USP4: variants seen among roughly 807,000 people sequenced by gnomAD.
USP4 encodes ubiquitin specific peptidase 4.
In USP4, 72 loss-of-function variants were observed where a neutral mutation model predicts 118.2. That is an observed-to-expected ratio of 0.61 (90% CI 0.50 to 0.74). USP4 has a LOEUF of 0.74. USP4 is among the 30% of genes least tolerant of loss of function. USP4 has a pLI of 0.00. For missense variants in USP4, 1,037 were observed against 1,185.7 expected (o/e 0.87, Z 1.84); for synonymous variants, 415 against 440.4 (o/e 0.94, Z 0.72).
intron 6 of USP4, chr3:49,312,038 G>T: frequency 3.1e-6 from 1 of 321,106 alleles, no homozygotes; most frequent in Non-Finnish European, 4.8e-6. Flanking sequence ...AAAGAAATTA[G>T]CCAGGTCGCG....
chr3:49,332,279 A>AAAAC lies in USP4; in HGVS notation c.229+3186_229+3189dup, dbSNP rs577378790. 4.7e-3 allele frequency among the ~76,000 whole-genome samples: 720 copies of AAAAC among 152,102 alleles called. 8 individuals are homozygous for AAAAC. The highest frequency in any genetic ancestry group is 0.016 in the African/African-American group (675 of 41,484). The stretch of plus-strand genomic sequence containing the variant: ...ACGACAGAGCGAGACTCTGTCTTAC[A>AAAAC]AAACAAACAAACAAACAAACATATA... On this transcript the variant is annotated intron_variant, in intron 2 of 21. Transcript: ENST00000265560.
intron 13 of USP4, among the ~76,000 whole-genome samples, chr3:49,297,123 T>A (rs1462222520): frequency 6.6e-6 from 1 of 152,200 alleles, no homozygotes; most frequent in East Asian, 1.9e-4. Context: ...TAAAACCCTT[T>A]CTCAGCAGAG....
rs375304722 is a variant in USP4 at position 49,283,978 on chromosome 3, A to C, written c.2540+9T>G. 9.3e-6 allele frequency: 15 copies of C among 1,614,070 alleles called. No individual in the cohort carries two copies. The African/African-American group carries it at 1.2e-4, about 13-fold the overall frequency. On this transcript the variant is annotated intron_variant, in intron 19 of 21. Coordinates refer to ENST00000265560, the MANE Select transcript of USP4 (RefSeq NM_003363.4). ...AAATGTTCCTAACACTGTAGTCACC[A>C]TGACCCACCTGATTGGGAATTCTAC...
At chr3:49,320,303 G>T (rs1161357228) in intron 6 of USP4, among the ~76,000 whole-genome samples, 2 of 152,152 alleles carry the variant, frequency 1.3e-5, no homozygotes, top group Non-Finnish European at 2.9e-5. Context: ...TTAGCCGGGC[G>T]TGGTGGCGCA....
At chr3:49,325,550 G>C (rs1328016916) in intron 4 of USP4, among the ~76,000 whole-genome samples, 169 bp downstream of exon 4, 1 of 152,022 alleles carries the variant, frequency 6.6e-6, no homozygotes, top group East Asian at 1.9e-4. Flanking sequence ...CTCTCCATAA[G>C]AATTCCTGGA....
In USP4 at chr3:49,300,568, A is replaced by C; in HGVS notation, c.1411T>G (p.Phe471Val). 1 of 1,614,222 alleles carries C rather than the reference A, an allele frequency of 6.2e-7. No homozygotes were observed. Among genetic ancestry groups the C allele is most frequent in the East Asian group, 2.2e-5 (1 of 44,888 alleles). Residue 471 changes from phenylalanine (F) to valine (V), a missense_variant, in exon 11 of 22, where the codon TTT (phenylalanine) becomes GTT (valine). Transcript: ENST00000265560. ...AGCGTTAGATAGCAAAATGGGTCAA[A>C]GGTCACAGAAACCTTAGCACATTCT... Reference protein sequence around the residue: ...CPECAKVSVTFDPFCYLTLPL... With the variant: ...CPECAKVSVTVDPFCYLTLPL...
chr3:49,306,025 A>G (rs2047311488), intron 8 of USP4, 137 bp from the exon 9 acceptor site: 6 of 808,524 alleles, frequency 7.4e-6, no homozygotes, highest in South Asian at 2.4e-5. Context: ...AAGGCTCACG[A>G]CAGTAAAGCA....
chr3:49,278,941 G>A, intron 20 of USP4, 39 bp from the exon 21 acceptor site: 1 of 1,435,516 alleles, frequency 7.0e-7, no homozygotes, highest in Non-Finnish European at 9.7e-7. Flanking sequence ...GCGGTCTCCA[G>A]AGAATTAATC....
intron 6 of USP4, chr3:49,312,506 G>T (rs563823411): frequency 1.2e-4 from 55 of 452,868 alleles, no homozygotes; most frequent in Middle Eastern, 6.5e-4. Flanking sequence ...ATGTGATGGC[G>T]CTACTCGGGA....
At chr3:49,298,685 G>A (rs747371173) in intron 11 of USP4, 50 bp from the exon 12 acceptor site, 31 of 1,530,760 alleles carry the variant, frequency 2.0e-5, no homozygotes, top group Non-Finnish European at 2.5e-5. Context: ...CAAAGGGTGC[G>A]AAATGCATTA....
intron 16 of USP4, 104 bp from the exon 17 acceptor site, chr3:49,285,023 A>G (rs1008700069): frequency 2.4e-5 from 19 of 802,524 alleles, no homozygotes; most frequent in Admixed American, 4.3e-5. Flanking sequence ...CACCATCAAC[A>G]CCTTCTCCCC....
At chr3:49,305,921 C>T (rs759807956) in intron 8 of USP4, 33 bp from the exon 9 acceptor site, 2 of 1,582,826 alleles carry the variant, frequency 1.3e-6, no homozygotes, top group South Asian at 2.3e-5. Context: ...CTTTACACAC[C>T]TTCTAGACAG....
chr3:49,324,733 C>A lies in USP4; in HGVS notation c.664G>T (p.Gly222Cys). 1 of 1,614,162 alleles carries A rather than the reference C, an allele frequency of 6.2e-7. No homozygotes were observed. The highest frequency in any genetic ancestry group is 8.5e-7 in the Non-Finnish European group (1 of 1,180,028). The change falls in exon 6 of 22, where the codon GGC becomes TGC. Residue 222 changes from glycine (G) to cysteine (C), a missense_variant. Physicochemically the swap from Gly to Cys is radical, Grantham distance 159. Transcript: ENST00000265560. Reference sequence around the variant, plus strand: ...TGCAAGGTCTGCCTGGGCCATGTGCCATCTTCATTTTGAGGCTCAATTACT... The same window carrying A: ...TGCAAGGTCTGCCTGGGCCATGTGCAATCTTCATTTTGAGGCTCAATTACT... ...VLVIEPQNED[G>C]TWPRQTLQSK...
At chr3:49,338,319 C>T (rs1451648447) in intron 1 of USP4, among the ~76,000 whole-genome samples, 3 of 152,070 alleles carry the variant, frequency 2.0e-5, no homozygotes, top group African/African-American at 7.2e-5. Flanking sequence ...ACTTCCTCTA[C>T]TTCTGCTGAG....
chr3:49,320,522 C>A (rs185295540), intron 6 of USP4, among the ~76,000 whole-genome samples: 110 of 152,292 alleles, frequency 7.2e-4, no homozygotes, highest in African/African-American at 2.5e-3. Context: ...TCGTGGCTCA[C>A]GGTAACTTCG....
rs2047232993 is a variant in USP4, at chr3:49,298,610, C to G, written c.1538G>C (p.Gly513Ala). The G allele has an allele frequency of 6.2e-7, 1 of 1,614,172 alleles. No individual in the cohort carries two copies. Residue 513 changes from glycine to alanine, a missense_variant, in exon 12 of 22, where the codon GGG (glycine) becomes GCG (alanine). Transcript: ENST00000265560. ...TQYRVTVPLM[G>A]AVSDLCEALS... ...AGCCTCGCACAGGTCGGACACAGCC[C>G]CCATCAGCGGCACAGTCACACGGTA... is the stretch of plus-strand genomic sequence containing the variant.
chr3:49,339,212 T>C (rs2047706892), intron 1 of USP4, among the ~76,000 whole-genome samples: 1 of 152,194 alleles, frequency 6.6e-6, no homozygotes, highest in African/African-American at 2.4e-5. Flanking sequence ...GCCTTAGTTT[T>C]TCTACTCCTA....
chr3:49,279,859 T>C (rs2046999060), intron 20 of USP4, among the ~76,000 whole-genome samples: 2 of 152,212 alleles, frequency 1.3e-5, no homozygotes, highest in Admixed American at 1.3e-4. Context: ...AAGTTCCAAC[T>C]GTAGGCCCAA....
rs1226700864 is a variant in USP4, at chr3:49,295,250, C to T, written c.1692-652G>A. Reference sequence around the variant, plus strand: ...CTTGTAGTGAGTCAAGATCTTGTCACTGCACTCCAGACTGGGCAACAGAGC... The same window carrying T: ...CTTGTAGTGAGTCAAGATCTTGTCATTGCACTCCAGACTGGGCAACAGAGC... On this transcript the variant is annotated intron_variant, in intron 13 of 21. Coordinates refer to ENST00000265560, the MANE Select transcript of USP4 (RefSeq NM_003363.4). Among the ~76,000 whole-genome samples, 21 of 125,614 alleles carry T rather than the reference C, an allele frequency of 1.7e-4. No homozygotes were observed. The Admixed American group carries it at 2.2e-3, about 13-fold the overall frequency. The allele number at this position is 125,614 out of a possible 152,430, so 82.4% of individuals were successfully genotyped here.
Sources: gnomAD v4.1 joint callset for allele counts (sites outside exome capture counted in the v4.1 genomes callset) on GRCh38, gnomAD v4.1.1 for gene constraint, MANE v1.5 for transcripts, NCBI Gene and HGNC (gene_info 2026-07-23, HGNC 2026-07-21) for gene names.